DLC1: variants seen among roughly 807,000 people sequenced by gnomAD.
The protein encoded by DLC1 is rho GTPase-activating protein 7.
In DLC1, 54 loss-of-function variants were observed where a neutral mutation model predicts 140.3. The observed-to-expected ratio is 0.38, with a 90% CI of 0.31 to 0.48. The LOEUF is 0.48. Ranked by LOEUF, DLC1 falls within the 20% of genes least tolerant of loss-of-function variation. DLC1 has a pLI of 0.96. For synonymous variants in DLC1, 986 were observed against 728.1 expected (o/e 1.35, Z -5.70); for missense variants, 2,536 against 1,907.0 (o/e 1.33, Z -6.14).
chr8:13,097,679 A>G (rs1415104148), intron 10 of DLC1, among the ~76,000 whole-genome samples: 1 of 152,182 alleles, frequency 6.6e-6, no homozygotes, highest in African/African-American at 2.4e-5. Context: ...CCATCCAAAA[A>G]TACGATCTGA....
intron 1 of DLC1, among the ~76,000 whole-genome samples, chr8:13,597,505 T>G (rs1221147335): frequency 6.6e-6 from 1 of 152,080 alleles, no homozygotes; most frequent in African/African-American, 2.4e-5. Flanking sequence ...TAATAGTAAC[T>G]CTGGGTGTTT....
intron 5 of DLC1, among the ~76,000 whole-genome samples, chr8:13,147,880 C>T (rs1466371020): frequency 2.6e-5 from 4 of 152,002 alleles, no homozygotes; most frequent in South Asian, 4.1e-4. Flanking sequence ...TCCAGCTACT[C>T]GGGAGACTGA....
intron 5 of DLC1, among the ~76,000 whole-genome samples, chr8:13,257,294 G>C (rs566805659): frequency 3.9e-5 from 6 of 151,908 alleles, no homozygotes; most frequent in Non-Finnish European, 8.8e-5. Flanking sequence ...AAAATCAGCT[G>C]AGCAAGGTGG....
intron 6 of DLC1, among the ~76,000 whole-genome samples, chr8:13,113,122 A>G (rs920197171): frequency 6.6e-6 from 1 of 152,234 alleles, no homozygotes; most frequent in African/African-American, 2.4e-5. Flanking sequence ...GAATTAAATC[A>G]GTAATTTTCT....
At chr8:13,138,931 C>A (rs1021948300) in intron 5 of DLC1, among the ~76,000 whole-genome samples, 1 of 152,110 alleles carries the variant, frequency 6.6e-6, no homozygotes, top group Non-Finnish European at 1.5e-5. Flanking sequence ...TTGATTACAA[C>A]TTTTGAATAA....
chr8:13,326,919 G>C (rs1308260095), intron 4 of DLC1, among the ~76,000 whole-genome samples: 1 of 152,094 alleles, frequency 6.6e-6, no homozygotes, highest in Non-Finnish European at 1.5e-5. Flanking sequence ...GTGATCAGTA[G>C]AAACAGAGAC....
At chr8:13,276,001 A>G (rs148506020) in intron 5 of DLC1, among the ~76,000 whole-genome samples, 1 of 152,134 alleles carries the variant, frequency 6.6e-6, no homozygotes, top group African/African-American at 2.4e-5. Flanking sequence ...AAACCCCACA[A>G]CTCTCATAAT....
chr8:13,479,802 AAAGAAGAAGAAGAAG>A lies in DLC1; in HGVS notation c.1023+19232_1023+19246del, dbSNP rs60625191. Among the ~76,000 whole-genome samples the A allele has an allele frequency of 2.2e-3, 128 of 56,980 alleles. 3 individuals carry two copies. Among genetic ancestry groups the A allele is most frequent in the African/African-American group, 5.0e-3 (74 of 14,814 alleles). 37.4% of individuals were successfully genotyped at this position (56,980 alleles called of 152,430 possible). On this transcript the variant is annotated intron_variant, in intron 2 of 17. Transcript: ENST00000276297. The stretch of plus-strand genomic sequence containing the variant: ...AAAAGAAAAGGAAAAGAAAGAAAGA[AAAGAAGAAGAAGAAG>A]AAGAAGAAGAAGAAGAAGAAGAAGA...
At chr8:13,387,529 A>T (rs1344946170) in intron 4 of DLC1, among the ~76,000 whole-genome samples, 1 of 151,966 alleles carries the variant, frequency 6.6e-6, no homozygotes, top group Admixed American at 6.6e-5. Flanking sequence ...CTAATATATC[A>T]CAAGCACAGT....
chr8:13,557,871 A>T (rs1804103184), intron 1 of DLC1: 1 of 152,182 alleles, frequency 6.6e-6, no homozygotes, highest in Non-Finnish European at 1.5e-5. Context: ...TCTAAATTTT[A>T]TTTGGGAAGC....
At chr8:13,547,180 A>G (rs1204434504) in intron 1 of DLC1, among the ~76,000 whole-genome samples, 8 of 152,070 alleles carry the variant, frequency 5.3e-5, no homozygotes, top group Non-Finnish European at 1.0e-4. Context: ...AAACAATAGT[A>G]TTTTCAATTT....
chr8:13,422,732 A>G (rs1838375532), intron 2 of DLC1, among the ~76,000 whole-genome samples: 1 of 152,100 alleles, frequency 6.6e-6, no homozygotes, highest in Non-Finnish European at 1.5e-5. Flanking sequence ...TATACACAAG[A>G]GATAAATAAA....
chr8:13,317,314 A>G (rs1832899456), intron 4 of DLC1, among the ~76,000 whole-genome samples: 1 of 152,208 alleles, frequency 6.6e-6, no homozygotes, highest in African/African-American at 2.4e-5. Context: ...AATTGCTTCA[A>G]TACTAATTTT....
At chr8:13,437,423 T>C (rs1282439702) in intron 2 of DLC1, among the ~76,000 whole-genome samples, 1 of 152,222 alleles carries the variant, frequency 6.6e-6, no homozygotes, top group African/African-American at 2.4e-5. Flanking sequence ...AATATGTCTT[T>C]TATTTTCCTA....
intron 1 of DLC1, among the ~76,000 whole-genome samples, chr8:13,569,438 CATA>C (rs1804569805): frequency 1.3e-5 from 2 of 152,100 alleles, no homozygotes; most frequent in African/African-American, 2.4e-5. Flanking sequence ...TTACCATTTT[CATA>C]ATAACCTTTT....
chr8:13,141,274 A>T (rs1185153944), intron 5 of DLC1, among the ~76,000 whole-genome samples: 1 of 150,014 alleles, frequency 6.7e-6, no homozygotes. Flanking sequence ...AAAAAAAAAA[A>T]AAAAAAAAAA....
At chr8:13,397,115 T>C (rs1242945614) in intron 3 of DLC1, among the ~76,000 whole-genome samples, 1 of 152,106 alleles carries the variant, frequency 6.6e-6, no homozygotes, top group African/African-American at 2.4e-5. Context: ...TAGAAGTGCT[T>C]ATACCACTCA....
rs1563407743 is a variant in DLC1, at chr8:13,506,618, T to TATATATATACATATAC, written c.-125-6423_-125-6422insGTATATGTATATATAT. 6.5e-4 allele frequency among the ~76,000 whole-genome samples: 95 copies of TATATATATACATATAC among 146,500 alleles called. 7 individuals carry two copies. The East Asian group carries it at 0.02, about 30-fold the overall frequency. On this transcript the variant is annotated intron_variant, in intron 1 of 17. Coordinates refer to ENST00000276297, the MANE Select transcript of DLC1 (RefSeq NM_182643.3). ...ATATATATATATATATACACATATA[T>TATATATATACATATAC]ATACACACAGAGAGACACATGCACC...
In DLC1 at chr8:13,565,607, T is replaced by C. The variant is rs143219005; in HGVS notation, c.-126+38930A>G. 3.4e-4 allele frequency among the ~76,000 whole-genome samples: 52 copies of C among 152,284 alleles called. No homozygotes were observed. In the East Asian group the frequency reaches 9.9e-3, roughly 29 times the overall value. Reference sequence around the variant, plus strand: ...TACTTGAGAGATGCTTTTTGAATATTTGACTTTCACTTTTTGCCAGAATGA... The same window carrying C: ...TACTTGAGAGATGCTTTTTGAATATCTGACTTTCACTTTTTGCCAGAATGA... On this transcript the variant is annotated intron_variant, in intron 1 of 1. Transcript: ENST00000631382.
Sources: allele counts gnomAD v4.1 joint callset (sites outside exome capture counted in the v4.1 genomes callset), GRCh38; gene constraint gnomAD v4.1.1; transcripts MANE v1.5; gene names NCBI Gene and HGNC (gene_info 2026-07-23, HGNC 2026-07-21).